The following PRDM16 variants were observed in gnomAD, a reference collection of about 807,000 sequenced individuals.
PRDM16 encodes PR/SET domain 16.
In PRDM16, 23 loss-of-function variants were observed where a neutral mutation model predicts 110.6. The observed-to-expected ratio is 0.21, with a 90% CI of 0.15 to 0.29. PRDM16 has a LOEUF of 0.29. Among genes scored for constraint, PRDM16 ranks in the 10% least tolerant of loss-of-function variants. PRDM16 has a pLI of 1.00. For missense variants in PRDM16, 1,615 were observed against 1,794.3 expected (o/e 0.90, Z 1.81); for synonymous variants, 799 against 781.8 (o/e 1.02, Z -0.37).
chr1:3,152,384 TTATCCATCCATCCATCCATTTATCCATCC>T (rs1643793452), intron 1 of PRDM16, among the ~76,000 whole-genome samples: 2 of 113,702 alleles, frequency 1.8e-5, no homozygotes, highest in African/African-American at 1.1e-4. Context: ...ATCCATCCAT[TTATCCATCCATCCATCCATTTATCCATCC>T]ATCCATCCAT....
Position 3,316,238 on chromosome 1 carries a change from C to T in PRDM16, c.439-68914C>T, listed in dbSNP as rs1034625996. ...GAAAGTCTTCCCCATCCTTCTCTCC[C>T]GAGTCACTTACCAGGTTTACCTACA... On this transcript the variant is annotated intron_variant, in intron 3 of 16. Coordinates refer to ENST00000270722, the MANE Select transcript of PRDM16 (RefSeq NM_022114.4). Among the ~76,000 whole-genome samples the T allele has an allele frequency of 4.8e-5, 6 of 126,058 alleles. No individual in the cohort carries two copies. The South Asian group carries it at 7.1e-4, about 15-fold the overall frequency. The allele number at this position is 126,058 out of a possible 152,430, so 82.7% of individuals were successfully genotyped here. A position where few individuals can be genotyped will look rare whatever the true frequency, so the allele number is the denominator to read the frequency against.
chr1:3,087,685 C>A (rs941462019), intron 1 of PRDM16, among the ~76,000 whole-genome samples: 1 of 152,178 alleles, frequency 6.6e-6, no homozygotes, highest in African/African-American at 2.4e-5. Flanking sequence ...GATGATCAAT[C>A]CAGGGATGGC....
chr1:3,402,418 C>T (rs1448588343), intron 5 of PRDM16, among the ~76,000 whole-genome samples: 1 of 152,148 alleles, frequency 6.6e-6, no homozygotes, highest in Non-Finnish European at 1.5e-5. Context: ...GCTCTGTCAT[C>T]GTTTTTCTCC....
At chr1:3,163,920 T>C (rs1202019781) in intron 1 of PRDM16, among the ~76,000 whole-genome samples, 3 of 152,186 alleles carry the variant, frequency 2.0e-5, no homozygotes, top group African/African-American at 7.2e-5. Context: ...AACCTACGAA[T>C]ATGGATAACC....
At position 3,426,240 on chromosome 1, in the gene PRDM16, G is replaced by T. The variant is rs870171; in HGVS notation, c.3284+15G>T. On this transcript the variant is annotated intron_variant, in intron 14 of 16. Transcript: ENST00000270722. ...ACAGAGAAACGGTAAGAAAACTATC[G>T]CGGGCTGGGGAAAGTCTGGACCCGG... 468,079 of 1,607,588 alleles carry T rather than the reference G, an allele frequency of 0.29. 70,065 individuals carry two copies. The highest frequency in any genetic ancestry group is 0.44 in the East Asian group (19,609 of 44,716).
intron 2 of PRDM16, among the ~76,000 whole-genome samples, chr1:3,204,007 A>T (rs1301474278): frequency 6.6e-6 from 1 of 152,070 alleles, no homozygotes; most frequent in Non-Finnish European, 1.5e-5. Flanking sequence ...CCCTCTGCGG[A>T]CTCGAAGGGG....
At chr1:3,294,425 G>A (rs1189037527) in intron 3 of PRDM16, among the ~76,000 whole-genome samples, 1 of 152,010 alleles carries the variant, frequency 6.6e-6, no homozygotes, top group Non-Finnish European at 1.5e-5. Flanking sequence ...TCTTCCAAAG[G>A]GGCTACAGGA....
intron 2 of PRDM16, among the ~76,000 whole-genome samples, chr1:3,200,442 A>C (rs1638592653): frequency 6.6e-6 from 1 of 152,122 alleles, no homozygotes; most frequent in African/African-American, 2.4e-5. Context: ...TCCCGGGTTC[A>C]CGCCATTCTC....
Position 3,425,641 on chromosome 1 carries a change from C to T in PRDM16, c.3000C>T (p.Asn1000=). The change falls in exon 13 of 17, where the codon AAC becomes AAT. Residue 1000 remains asparagine, a synonymous_variant. Coordinates refer to ENST00000270722, the MANE Select transcript of PRDM16 (RefSeq NM_022114.4). The surrounding 1 kb of genome is among the most constrained non-coding windows in gnomAD (Gnocchi z 6.9). ...CGAACCTCCAGCGGCACGTCCGGAA[C>T]ATCCACAACAAGGAGAAGCCTTTCA... The part of the protein sequence containing the change: ...ISSNLQRHVR[N]IHNKEKPFKC... 6.2e-7 allele frequency: 1 copy of T among 1,613,994 alleles called. No homozygotes were observed. Among genetic ancestry groups the T allele is most frequent in the East Asian group, 2.2e-5 (1 of 44,860 alleles).
chr1:3,395,907 G>A (rs980900285), intron 4 of PRDM16, among the ~76,000 whole-genome samples: 7 of 152,142 alleles, frequency 4.6e-5, no homozygotes, highest in African/African-American at 1.2e-4. Context: ...CCAGACTCCC[G>A]CCTGTGGGGT....
intron 3 of PRDM16, among the ~76,000 whole-genome samples, chr1:3,345,530 T>C (rs1237224567): frequency 1.3e-5 from 2 of 152,224 alleles, no homozygotes; most frequent in African/African-American, 2.4e-5. Context: ...ATAATGAGGT[T>C]CAAACTGGCC....
chr1:3,186,612 C>G, intron 2 of PRDM16, 138 bp downstream of exon 2: 1 of 598,884 alleles, frequency 1.7e-6, no homozygotes, highest in Non-Finnish European at 2.9e-6. Flanking sequence ...CATTTCCCAG[C>G]CTATTTTATC....
chr1:3,277,777 G>A (rs1189334653), intron 3 of PRDM16, among the ~76,000 whole-genome samples: 14 of 97,010 alleles, frequency 1.4e-4, no homozygotes, highest in African/African-American at 1.1e-3. Flanking sequence ...GCACACACAC[G>A]CACACATATG....
chr1:3,390,725 G>A lies in PRDM16; in HGVS notation c.573+5439G>A, dbSNP rs1643284431. On this transcript the variant is annotated intron_variant, in intron 4 of 16. Coordinates refer to ENST00000270722, the MANE Select transcript of PRDM16 (RefSeq NM_022114.4). The surrounding 1 kb of genome is among the most constrained non-coding windows in gnomAD (Gnocchi z 5.0). Reference sequence around the variant, plus strand: ...GTCCCGCGTTTCTGTCTGGGCGTGTGCCCTGTCAGGGTTGCGGTTTTAAAC... The same window carrying A: ...GTCCCGCGTTTCTGTCTGGGCGTGTACCCTGTCAGGGTTGCGGTTTTAAAC... Among the ~76,000 whole-genome samples the A allele has an allele frequency of 6.6e-6, 1 of 152,114 alleles. No individual in the cohort carries two copies. The highest frequency in any genetic ancestry group is 2.1e-4 in the South Asian group (1 of 4,826).
chr1:3,116,528 G>A (rs1043391773), intron 1 of PRDM16, among the ~76,000 whole-genome samples: 6 of 152,084 alleles, frequency 3.9e-5, no homozygotes, highest in Admixed American at 2.6e-4. Context: ...TCGGGGACGC[G>A]CCTGCTTGTC....
At chr1:3,377,083 T>C (rs1440803770) in intron 3 of PRDM16, among the ~76,000 whole-genome samples, 1 of 152,378 alleles carries the variant, frequency 6.6e-6, no homozygotes, top group Middle Eastern at 3.4e-3. Flanking sequence ...TGCGCACGTG[T>C]GCGCATGTGC....
intron 3 of PRDM16, among the ~76,000 whole-genome samples, chr1:3,276,935 A>G (rs1640599577): frequency 6.6e-6 from 1 of 151,742 alleles, no homozygotes; most frequent in East Asian, 2.0e-4. Context: ...CCCATCCCCC[A>G]TCACGACCCC....
chr1:3,159,417 C>T (rs769840032), intron 1 of PRDM16, among the ~76,000 whole-genome samples: 1 of 152,230 alleles, frequency 6.6e-6, no homozygotes, highest in Non-Finnish European at 1.5e-5. Context: ...GGCCTCTCTC[C>T]TTGGCTCATA....
At position 3,358,093 on chromosome 1, in the gene PRDM16, C is replaced by T. The variant is rs116794261; in HGVS notation, c.439-27059C>T. 7.1e-3 allele frequency among the ~76,000 whole-genome samples: 1,077 copies of T among 152,344 alleles called. 8 individuals are homozygous for T. The highest frequency in any genetic ancestry group is 0.025 in the African/African-American group (1,029 of 41,586). ...GGCGGTGCCCAGTGGCCTGGCCTCA[C>T]GCGTGGGTCCATCCCGGAACCACAC... On this transcript the variant is annotated intron_variant, in intron 3 of 16. Transcript: ENST00000270722. This position sits in a 1 kb window ranked among gnomAD's most constrained non-coding sequence, Gnocchi z 4.0.
Sources: allele counts gnomAD v4.1 joint callset (sites outside exome capture counted in the v4.1 genomes callset), GRCh38; gene constraint gnomAD v4.1.1; non-coding constraint Gnocchi (gnomAD v3.1); transcripts MANE v1.5; gene names NCBI Gene and HGNC (gene_info 2026-07-23, HGNC 2026-07-21).